KALRN: variants seen among roughly 807,000 people sequenced by gnomAD.
The protein encoded by KALRN is kalirin.
A neutral mutation model predicts 353.7 loss-of-function variants in KALRN; 70 were observed. The ratio of observed to expected loss-of-function variants is 0.20; its 90% CI spans 0.16 to 0.24. The LOEUF is 0.24. KALRN is among the 10% of genes least tolerant of loss of function. KALRN has a pLI of 1.00. For missense variants in KALRN, 2,791 were observed against 3,756.7 expected (o/e 0.74, Z 6.72); for synonymous variants, 1,391 against 1,434.8 (o/e 0.97, Z 0.69).
At chr3:124,372,368 C>T (rs1222348175) in intron 10 of KALRN, among the ~76,000 whole-genome samples, 1 of 152,022 alleles carries the variant, frequency 6.6e-6, no homozygotes, top group South Asian at 2.1e-4. Context: ...TGATAAATTT[C>T]CATTTAGCAC....
chr3:124,399,334 C>T (rs1323111251), intron 13 of KALRN, among the ~76,000 whole-genome samples: 2 of 152,156 alleles, frequency 1.3e-5, no homozygotes, highest in South Asian at 4.1e-4. Context: ...GATAGGGTTT[C>T]ACCACGTTGG....
chr3:124,569,340 C>T (rs114180244), intron 34 of KALRN, among the ~76,000 whole-genome samples: 2,209 of 152,226 alleles, frequency 0.015, 54 homozygotes, highest in African/African-American at 0.05. Context: ...TGGTGGAGAA[C>T]CGTGGATAAA....
chr3:124,318,622 A>G (rs768544985), intron 6 of KALRN, among the ~76,000 whole-genome samples: 2 of 152,184 alleles, frequency 1.3e-5, no homozygotes, highest in African/African-American at 2.4e-5. Flanking sequence ...AGCTTTTTCC[A>G]TTGCTTTGAC....
At chr3:124,421,395 T>C (rs2092773330) in intron 14 of KALRN, among the ~76,000 whole-genome samples, 1 of 152,170 alleles carries the variant, frequency 6.6e-6, no homozygotes, top group South Asian at 2.1e-4. Flanking sequence ...GCCACAGGAC[T>C]AAGGAGCAGT....
At chr3:124,628,173 C>T (rs2080217406) in intron 34 of KALRN, among the ~76,000 whole-genome samples, 1 of 62,470 alleles carries the variant, frequency 1.6e-5, no homozygotes, top group East Asian at 6.3e-4. Context: ...TCCTTCCTTC[C>T]CTCCCTCCCT....
chr3:124,569,869 G>T (rs1472301559), intron 34 of KALRN, among the ~76,000 whole-genome samples: 5 of 152,176 alleles, frequency 3.3e-5, no homozygotes, highest in Non-Finnish European at 7.3e-5. Context: ...TGTCCTGTGG[G>T]TGCTTTGCCA....
intron 1 of KALRN, among the ~76,000 whole-genome samples, chr3:124,189,935 C>CA (rs1218193851): frequency 0.25 from 17,008 of 69,070 alleles, 1,430 homozygotes; most frequent in African/African-American, 0.32. Flanking sequence ...AAGACTCTGT[C>CA]AAAAAAAAAA....
intron 27 of KALRN, among the ~76,000 whole-genome samples, chr3:124,477,647 C>G (rs1010385362): frequency 6.6e-6 from 1 of 152,184 alleles, no homozygotes; most frequent in Admixed American, 6.5e-5. Context: ...TATTTCACTT[C>G]TGCTTCATAT....
chr3:124,584,512 C>T (rs891064580), intron 34 of KALRN: 7 of 771,146 alleles, frequency 9.1e-6, no homozygotes, highest in East Asian at 4.1e-5. Flanking sequence ...CCCGTTTGCC[C>T]CGTGCCCACA....
At chr3:124,632,748 G>T in intron 35 of KALRN, 45 bp downstream of exon 35, 1 of 1,567,268 alleles carries the variant, frequency 6.4e-7, no homozygotes, top group South Asian at 1.2e-5. Flanking sequence ...AGGGCCTTCT[G>T]ACATGTCTCC....
At chr3:124,037,923 G>C (rs76321017) in intron 1 of KALRN, among the ~76,000 whole-genome samples, 3,010 of 152,202 alleles carry the variant, frequency 0.02, 94 homozygotes, top group African/African-American at 0.067. Context: ...TGAAGCATGG[G>C]GGGGGCGACT....
intron 6 of KALRN, among the ~76,000 whole-genome samples, chr3:124,309,512 T>A (rs1580787899): frequency 6.6e-6 from 1 of 152,208 alleles, no homozygotes; most frequent in African/African-American, 2.4e-5. Flanking sequence ...TAATGAGTTA[T>A]AATCGTGTCA....
At chr3:124,689,967 G>A (rs891203295) in intron 51 of KALRN, among the ~76,000 whole-genome samples, 1 of 152,194 alleles carries the variant, frequency 6.6e-6, no homozygotes, top group Non-Finnish European at 1.5e-5. Context: ...AGAGGAGGAA[G>A]ATCACTATTG....
At chr3:124,405,225 G>C (rs2091381521) in intron 13 of KALRN, among the ~76,000 whole-genome samples, 1 of 152,150 alleles carries the variant, frequency 6.6e-6, no homozygotes, top group Admixed American at 6.5e-5. Flanking sequence ...CACAGCTTTA[G>C]TATTCTGGCA....
At chr3:124,148,951 C>G (rs2067724476) in intron 1 of KALRN, among the ~76,000 whole-genome samples, 1 of 152,134 alleles carries the variant, frequency 6.6e-6, no homozygotes, top group Non-Finnish European at 1.5e-5. Flanking sequence ...TATTTACTGC[C>G]TACTATATGC....
intron 8 of KALRN, 138 bp downstream of exon 8, chr3:124,330,130 A>C (rs1273267659): frequency 2.2e-6 from 2 of 929,272 alleles, no homozygotes; most frequent in African/African-American, 3.4e-5. Flanking sequence ...TTTTGGTGAC[A>C]TCTTTAGGAA....
intron 34 of KALRN, among the ~76,000 whole-genome samples, chr3:124,591,070 T>C (rs13089412): frequency 0.15 from 23,384 of 152,104 alleles, 1,936 homozygotes; most frequent in Middle Eastern, 0.19. Context: ...ATCTGTTGTT[T>C]CTGGGGGTGA....
intron 1 of KALRN, among the ~76,000 whole-genome samples, chr3:124,182,763 C>T (rs2073777747): frequency 6.6e-6 from 1 of 152,182 alleles, no homozygotes; most frequent in Non-Finnish European, 1.5e-5. Flanking sequence ...TCTAGTGCCT[C>T]TTTAACCATC....
At chr3:124,522,699 C>G (rs2067263980) in intron 33 of KALRN, among the ~76,000 whole-genome samples, 2 of 152,108 alleles carry the variant, frequency 1.3e-5, no homozygotes, top group African/African-American at 4.8e-5. Context: ...TAACAAATTC[C>G]CAGGTAATGC....
Sources: gnomAD v4.1 joint callset for allele counts (sites outside exome capture counted in the v4.1 genomes callset) on GRCh38, gnomAD v4.1.1 for gene constraint, MANE v1.5 for transcripts, NCBI Gene and HGNC (gene_info 2026-07-23, HGNC 2026-07-21) for gene names.